The following CDH13 variants were observed in gnomAD, a reference collection of about 807,000 sequenced individuals.
CDH13 encodes the protein cadherin 13.
In CDH13, 24 loss-of-function variants were observed where a neutral mutation model predicts 63.8. The ratio of observed to expected loss-of-function variants is 0.38; its 90% CI spans 0.27 to 0.53. CDH13 has a LOEUF of 0.53. Ranked by LOEUF, CDH13 falls within the 20% of genes least tolerant of loss-of-function variation. CDH13 has a pLI of 0.85. For missense variants in CDH13, 1,049 were observed against 903.1 expected (o/e 1.16, Z -2.07); for synonymous variants, 503 against 355.3 (o/e 1.42, Z -4.67).
chr16:82,781,402 A>T (rs538208017), intron 1 of CDH13, among the ~76,000 whole-genome samples: 1 of 152,220 alleles, frequency 6.6e-6, no homozygotes, highest in African/African-American at 2.4e-5. Flanking sequence ...TCTTAATGAG[A>T]ATAAGCTTTT....
At chr16:83,352,672 C>T (rs1029439755) in intron 6 of CDH13, among the ~76,000 whole-genome samples, 5 of 152,124 alleles carry the variant, frequency 3.3e-5, no homozygotes, top group Non-Finnish European at 7.4e-5. Flanking sequence ...AGGTGGATCA[C>T]GAGGTCAGGA....
At chr16:83,232,545 C>CAACAAAAAAAAAAAA (rs1164619286) in intron 5 of CDH13, among the ~76,000 whole-genome samples, 1 of 107,958 alleles carries the variant, frequency 9.3e-6, no homozygotes, top group African/African-American at 3.8e-5. Flanking sequence ...ACAACAACAA[C>CAACAAAAAAAAAAAA]AAACAAACAA....
chr16:83,616,665 C>G (rs1909309369), intron 8 of CDH13, among the ~76,000 whole-genome samples: 1 of 152,112 alleles, frequency 6.6e-6, no homozygotes, highest in African/African-American at 2.4e-5. Flanking sequence ...ATGCAGTGTG[C>G]AGAATGAGAA....
rs181886233 is a variant in CDH13 at position 83,118,676 on chromosome 16, C to T, written c.367-6709C>T. Among the ~76,000 whole-genome samples, 3 of 152,236 alleles carry T rather than the reference C, an allele frequency of 2.0e-5. No homozygotes were observed. The East Asian group carries it at 5.8e-4, about 30-fold the overall frequency. ...TCTGCAGTTCTTTAGAGAGTGCAGA[C>T]CACTTTCACATGCAGCTTCTCATTT... On this transcript the variant is annotated intron_variant, in intron 3 of 13. Transcript: ENST00000567109.
At chr16:82,936,773 G>T (rs570153712) in intron 2 of CDH13, among the ~76,000 whole-genome samples, 1 of 152,298 alleles carries the variant, frequency 6.6e-6, no homozygotes, top group Admixed American at 6.5e-5. Flanking sequence ...CTACTTGAGT[G>T]CATTGCCCAC....
chr16:83,610,007 A>G (rs919982665), intron 8 of CDH13, among the ~76,000 whole-genome samples: 24 of 152,166 alleles, frequency 1.6e-4, no homozygotes, highest in African/African-American at 5.8e-4. Context: ...TTCACTTAGC[A>G]TTATGTCTTC....
intron 1 of CDH13, among the ~76,000 whole-genome samples, chr16:82,833,571 C>T (rs975851611): frequency 1.1e-4 from 16 of 152,312 alleles, no homozygotes; most frequent in South Asian, 6.2e-4. Flanking sequence ...CTTAACCATT[C>T]CAGGGCTTTC....
In CDH13 at chr16:83,275,494, T is replaced by C. The variant is rs866929429; in HGVS notation, c.636+57997T>C. On this transcript the variant is annotated intron_variant, in intron 5 of 13. Coordinates refer to ENST00000567109, the MANE Select transcript of CDH13 (RefSeq NM_001257.5). ...GTGCTCATGCAGGCTTCTTAGTTTTTCTCTGATGAGGAGCTGTGTTTTATT... is the reference window on the plus strand; with the variant it reads ...GTGCTCATGCAGGCTTCTTAGTTTTCCTCTGATGAGGAGCTGTGTTTTATT... Among the ~76,000 whole-genome samples, 7 of 152,322 alleles carry C rather than the reference T, an allele frequency of 4.6e-5. No homozygotes were observed. In the Middle Eastern group the frequency reaches 0.01, roughly 222 times the overall value.
At chr16:83,533,116 G>T (rs2075115652) in intron 7 of CDH13, among the ~76,000 whole-genome samples, 1 of 152,160 alleles carries the variant, frequency 6.6e-6, no homozygotes, top group Non-Finnish European at 1.5e-5. Context: ...CTTATTCAGG[G>T]AGAGGAGAGC....
chr16:83,121,823 C>G (rs1038507492), intron 3 of CDH13, among the ~76,000 whole-genome samples: 1 of 152,138 alleles, frequency 6.6e-6, no homozygotes, highest in African/African-American at 2.4e-5. Context: ...TGAATATTGC[C>G]TGATTACTTT....
At chr16:82,931,657 G>A (rs1395501493) in intron 2 of CDH13, among the ~76,000 whole-genome samples, 3 of 152,088 alleles carry the variant, frequency 2.0e-5, no homozygotes, top group Non-Finnish European at 2.9e-5. Flanking sequence ...ATGTGGCTGG[G>A]GAGGCCTCAC....
At chr16:82,775,870 GCT>G (rs767330788) in intron 1 of CDH13, among the ~76,000 whole-genome samples, 8 of 152,076 alleles carry the variant, frequency 5.3e-5, no homozygotes, top group Non-Finnish European at 1.2e-4. Context: ...CATACTGATG[GCT>G]CTTTTTTTGT....
intron 7 of CDH13, among the ~76,000 whole-genome samples, chr16:83,582,674 C>A (rs955905422): frequency 1.3e-5 from 2 of 152,148 alleles, no homozygotes; most frequent in African/African-American, 4.8e-5. Flanking sequence ...TTTACCCAAA[C>A]CACTGCAAAG....
chr16:82,650,349 G>T (rs1211387515), intron 1 of CDH13, among the ~76,000 whole-genome samples: 1 of 152,188 alleles, frequency 6.6e-6, no homozygotes, highest in Non-Finnish European at 1.5e-5. Flanking sequence ...GTGAGGACTT[G>T]GAGGACCTGG....
At chr16:83,591,471 G>A (rs1010194628) in intron 7 of CDH13, among the ~76,000 whole-genome samples, 4 of 152,288 alleles carry the variant, frequency 2.6e-5, no homozygotes, top group African/African-American at 9.6e-5. Context: ...TCCTCTCACT[G>A]TGAGTTCCTT....
At chr16:83,668,048 G>T (rs573491842) in intron 8 of CDH13, among the ~76,000 whole-genome samples, 4 of 152,302 alleles carry the variant, frequency 2.6e-5, no homozygotes, top group African/African-American at 9.6e-5. Flanking sequence ...CACCAGCCAT[G>T]ACGCAGCTCT....
intron 5 of CDH13, among the ~76,000 whole-genome samples, chr16:83,239,584 T>C (rs559026137): frequency 7.9e-5 from 12 of 152,226 alleles, no homozygotes; most frequent in African/African-American, 2.9e-4. Flanking sequence ...ACAAAGAAAA[T>C]AGGCATAGCA....
At chr16:83,296,345 G>A (rs899160342) in intron 5 of CDH13, among the ~76,000 whole-genome samples, 5 of 152,120 alleles carry the variant, frequency 3.3e-5, no homozygotes, top group African/African-American at 9.7e-5. Context: ...TAGCAGAGTC[G>A]GATGATGCAT....
At chr16:83,661,118 C>G (rs1247800110) in intron 8 of CDH13, among the ~76,000 whole-genome samples, 1 of 150,836 alleles carries the variant, frequency 6.6e-6, no homozygotes, top group Non-Finnish European at 1.5e-5. Context: ...ATATAATTAA[C>G]AGATTCCTCA....
Sources: allele counts gnomAD v4.1 joint callset (sites outside exome capture counted in the v4.1 genomes callset), GRCh38; gene constraint gnomAD v4.1.1; transcripts MANE v1.5; gene names NCBI Gene and HGNC (gene_info 2026-07-23, HGNC 2026-07-21).